The following MAD1L1 variants were observed in gnomAD, a reference collection of about 807,000 sequenced individuals.
MAD1L1 encodes mitotic arrest deficient 1 like 1, also known as mitotic spindle assembly checkpoint protein MAD1.
A neutral mutation model predicts 96.9 loss-of-function variants in MAD1L1; 95 were observed. That is an observed-to-expected ratio of 0.98 (90% confidence interval 0.83 to 1.16). The LOEUF is 1.16. MAD1L1 is among the 50% of genes most tolerant of loss of function. The pLI is 0.00. For missense variants in MAD1L1, 1,007 were observed against 954.4 expected, an observed-to-expected ratio of 1.06 and a Z score of -0.73; for synonymous variants, 473 against 396.6, an observed-to-expected ratio of 1.19 and a Z score of -2.29.
At chr7:2,213,145 A>G (rs1016938804) in intron 10 of MAD1L1, 67 bp downstream of exon 10, 3 of 1,536,682 alleles carry the variant, frequency 2.0e-6, no homozygotes, top group Non-Finnish European at 2.7e-6. Flanking sequence ...AGCCGGAAGC[A>G]GGCTCTGCTC....
intron 17 of MAD1L1, among the ~76,000 whole-genome samples, chr7:1,920,554 G>A (rs1788721836): frequency 6.6e-6 from 1 of 152,234 alleles, no homozygotes; most frequent in Admixed American, 6.5e-5. Context: ...GGGTGCAGGT[G>A]TGGGGTGGGC....
chr7:1,927,619 T>C (rs1377621418), intron 17 of MAD1L1, among the ~76,000 whole-genome samples: 1 of 152,158 alleles, frequency 6.6e-6, no homozygotes, highest in East Asian at 1.9e-4. Context: ...AATGGCACAA[T>C]TGGACATCCA....
rs747588764 is a variant in MAD1L1 at position 2,230,124 on chromosome 7, G to T, written c.10C>A (p.Leu4Met). Reference sequence around the variant, plus strand: ...GATAAAACCATGGTGTTTTCCCCCAGGTCTTCCATGGTTGCTTTCCTTCCG... The same window carrying T: ...GATAAAACCATGGTGTTTTCCCCCATGTCTTCCATGGTTGCTTTCCTTCCG... The part of the protein sequence containing the change: MED[L>M]GENTMVLSTL... Residue 4 changes from leucine to methionine, a missense_variant, in exon 3 of 19, where the codon CTG becomes ATG. Physicochemically the swap from Leu to Met is conservative, Grantham distance 15 (BLOSUM62 2). Transcript: ENST00000265854. 2 of 1,593,542 alleles carry T rather than the reference G, an allele frequency of 1.3e-6. No individual in the cohort carries two copies. The highest frequency in any genetic ancestry group is 1.7e-6 in the Non-Finnish European group (2 of 1,169,826).
chr7:2,026,168 T>G (rs932288541), intron 12 of MAD1L1, among the ~76,000 whole-genome samples: 1 of 152,150 alleles, frequency 6.6e-6, no homozygotes, highest in Non-Finnish European at 1.5e-5. Context: ...GAAGCTGACA[T>G]ACCCGTATTA....
intron 17 of MAD1L1, among the ~76,000 whole-genome samples, chr7:1,914,660 G>A (rs1036482459): frequency 2.0e-5 from 3 of 152,198 alleles, no homozygotes; most frequent in Non-Finnish European, 2.9e-5. Flanking sequence ...GTTGCCCAGG[G>A]TAGCGAACAG....
intron 18 of MAD1L1, among the ~76,000 whole-genome samples, chr7:1,872,062 C>A (rs994449892): frequency 6.6e-6 from 1 of 152,182 alleles, no homozygotes; most frequent in African/African-American, 2.4e-5. Context: ...CAGATACAGG[C>A]CCAAACAGCC....
chr7:2,017,871 G>A (rs1477294653), intron 12 of MAD1L1, among the ~76,000 whole-genome samples: 1 of 152,138 alleles, frequency 6.6e-6, no homozygotes, highest in East Asian at 1.9e-4. Context: ...GGGCAGAATA[G>A]GGCCCAGTGC....
chr7:1,974,459 G>A (rs1275926517), intron 15 of MAD1L1, among the ~76,000 whole-genome samples: 1 of 152,114 alleles, frequency 6.6e-6, no homozygotes, highest in Admixed American at 6.6e-5. Context: ...AAGACACAGT[G>A]ACCCCACTGC....
chr7:1,843,618 G>A (rs978844793), intron 18 of MAD1L1, among the ~76,000 whole-genome samples: 6 of 152,230 alleles, frequency 3.9e-5, no homozygotes, highest in Non-Finnish European at 5.9e-5. Flanking sequence ...CAAAGTGCGT[G>A]CTTCCTCCTG....
intron 16 of MAD1L1, among the ~76,000 whole-genome samples, chr7:1,940,843 C>T (rs558769869): frequency 1.2e-4 from 18 of 151,778 alleles, no homozygotes; most frequent in Non-Finnish European, 2.4e-4. Flanking sequence ...GCACAGAAGG[C>T]GGGGCTGTAG....
intron 1 of MAD1L1, among the ~76,000 whole-genome samples, chr7:2,232,665 G>A (rs1173211058): frequency 6.6e-6 from 1 of 152,210 alleles, no homozygotes; most frequent in Non-Finnish European, 1.5e-5. Flanking sequence ...AGTGGGGACA[G>A]GGGAGTGGGG....
At chr7:1,954,029 G>C (rs1779618306) in intron 16 of MAD1L1, among the ~76,000 whole-genome samples, 1 of 152,044 alleles carries the variant, frequency 6.6e-6, no homozygotes, top group Non-Finnish European at 1.5e-5. Flanking sequence ...CTCACTGTGT[G>C]TCCTGCCCCG....
At chr7:2,079,906 C>T (rs1397276436) in intron 11 of MAD1L1, 1 of 376,806 alleles carries the variant, frequency 2.7e-6, no homozygotes, top group African/African-American at 2.1e-5. Context: ...AAAAGAGAAG[C>T]CACAGAAGAT....
intron 11 of MAD1L1, among the ~76,000 whole-genome samples, chr7:2,092,214 A>C (rs1786252060): frequency 1.3e-5 from 2 of 152,184 alleles, no homozygotes; most frequent in Non-Finnish European, 2.9e-5. Context: ...TCATGGTTGT[A>C]CTAATTTGCA....
chr7:2,078,778 G>A (rs974756370), intron 11 of MAD1L1, among the ~76,000 whole-genome samples: 1 of 152,186 alleles, frequency 6.6e-6, no homozygotes. Context: ...GGCATGCCTC[G>A]CTGAGGACTT....
At chr7:1,879,898 T>G (rs1438854507) in intron 18 of MAD1L1, among the ~76,000 whole-genome samples, 1 of 152,092 alleles carries the variant, frequency 6.6e-6, no homozygotes, top group Non-Finnish European at 1.5e-5. Context: ...ACCTGGCTAA[T>G]TTTTCGTATT....
chr7:2,201,355 T>C (rs961973348), intron 10 of MAD1L1, among the ~76,000 whole-genome samples: 14 of 151,988 alleles, frequency 9.2e-5, no homozygotes, highest in African/African-American at 1.9e-4. Context: ...CCTTCCTCCA[T>C]TCCACGCCAG....
intron 18 of MAD1L1, among the ~76,000 whole-genome samples, chr7:1,824,351 C>T (rs1030147772): frequency 1.6e-5 from 2 of 123,568 alleles, no homozygotes; most frequent in African/African-American, 5.8e-5. Context: ...ACCGACACAC[C>T]TCTCTTGAGC....
At chr7:2,072,980 G>C (rs1034824048) in intron 11 of MAD1L1, among the ~76,000 whole-genome samples, 3 of 152,220 alleles carry the variant, frequency 2.0e-5, no homozygotes, top group Admixed American at 1.3e-4. Context: ...CAGAGCCCAG[G>C]CTCCCGGCAC....
Sources: gnomAD v4.1 joint callset for allele counts (sites outside exome capture counted in the v4.1 genomes callset) on GRCh38, gnomAD v4.1.1 for gene constraint, MANE v1.5 for transcripts, NCBI Gene and HGNC (gene_info 2026-07-23, HGNC 2026-07-21) for gene names.